Variants in GABRP observed in about 807,000 individuals in gnomAD.
GABRP encodes gamma-aminobutyric acid receptor subunit pi.
In GABRP, 52 loss-of-function variants were observed where a neutral mutation model predicts 47.8. The ratio of observed to expected loss-of-function variants is 1.09; its 90% CI spans 0.87 to 1.37. GABRP has a LOEUF of 1.37. GABRP is among the 40% of genes most tolerant of loss of function. The pLI is 0.00. For missense variants in GABRP, 525 were observed against 542.8 expected (o/e 0.97, Z 0.33); for synonymous variants, 221 against 205.8 (o/e 1.07, Z -0.63).
chr5:170,801,863 G>A lies in GABRP; in HGVS notation c.542-3853G>A, dbSNP rs71592508. 1.1e-4 allele frequency among the ~76,000 whole-genome samples: 17 copies of A among 150,644 alleles called. No individual in the cohort carries two copies. The East Asian group carries it at 3.3e-3, about 30-fold the overall frequency. ...ACAACAATGAAAAGTAATGGGGGGG[G>A]GGTCAGAGTTTTCCTAGGGAAAGTG... On this transcript the variant is annotated intron_variant, in intron 6 of 9. Coordinates refer to ENST00000265294, the MANE Select transcript of GABRP (RefSeq NM_014211.3).
intron 6 of GABRP, among the ~76,000 whole-genome samples, chr5:170,804,024 T>G (rs1765662094): frequency 6.6e-6 from 1 of 152,140 alleles, no homozygotes; most frequent in Non-Finnish European, 1.5e-5. Context: ...TGCCTCAGCC[T>G]CCCAAAGTGC....
At chr5:170,783,431 G>C (rs1043376359), upstream of GABRP, among the ~76,000 whole-genome samples, 1 of 152,114 alleles carries the variant, frequency 6.6e-6, no homozygotes, top group African/African-American at 2.4e-5. Flanking sequence ...ACCAAATTCA[G>C]AGCCCGGCAT....
rs892561406 is a variant in GABRP, at chr5:170,808,622, A to T, written c.702A>T (p.Leu234Phe). The change falls in exon 8 of 10, where the codon TTA becomes TTT. Residue 234 changes from leucine to phenylalanine, a missense_variant. Coordinates refer to ENST00000265294, the MANE Select transcript of GABRP (RefSeq NM_014211.3). ...CAGGAAATTACACTAGATTGGTCTT[A>T]CAGTTTGAGCTTCGGAGGAATGTTC... The part of the protein sequence containing the change: ...QETGNYTRLV[L>F]QFELRRNVLY... The T allele has an allele frequency of 9.3e-6, 15 of 1,614,052 alleles. No individual in the cohort carries two copies. Among genetic ancestry groups the T allele is most frequent in the Non-Finnish European group, 1.3e-5 (15 of 1,179,936 alleles).
At chr5:170,799,321 G>A (rs540167014) in intron 6 of GABRP, among the ~76,000 whole-genome samples, 8 of 152,160 alleles carry the variant, frequency 5.3e-5, no homozygotes, top group South Asian at 2.1e-4. Flanking sequence ...GGGTCAAATG[G>A]TATTTCTAGT....
chr5:170,812,032 T>C lies in GABRP; in HGVS notation c.1097T>C (p.Ile366Thr), dbSNP rs374104568. The C allele has an allele frequency of 6.2e-7, 1 of 1,614,204 alleles. No individual in the cohort carries two copies. The change falls in exon 10 of 10, where the codon ATC becomes ACC. Residue 366 changes from isoleucine (I) to threonine (T), a missense_variant. Coordinates refer to ENST00000265294, the MANE Select transcript of GABRP (RefSeq NM_014211.3). Reference protein sequence around the residue: ...NSSISSFKRKISFASIEISSD... With the variant: ...NSSISSFKRKTSFASIEISSD... ...TCCATCTCCAGCTTTAAACGGAAGA[T>C]CAGCTTTGCCAGCATTGAAATTTCC...
At chr5:170,784,200 G>A (rs1765071771) in intron 1 of GABRP, among the ~76,000 whole-genome samples, 1 of 152,158 alleles carries the variant, frequency 6.6e-6, no homozygotes, top group South Asian at 2.1e-4. Flanking sequence ...CCTAATTCGG[G>A]CTCTACTCCT....
In GABRP at chr5:170,797,446, A is replaced by T. The variant is rs1197017435; in HGVS notation, c.459-20A>T. ...TAACTTCCTCACAATACTGTTTTTG[A>T]ACCTGTTTTTCCCTCTTAGAATCAC... On this transcript the variant is annotated intron_variant, in intron 5 of 9. Transcript: ENST00000265294. 6.6e-7 allele frequency: 1 copy of T among 1,513,260 alleles called. No individual in the cohort carries two copies. The allele number at this position is 1,513,260 out of a possible 1,614,324, so 93.7% of individuals were successfully genotyped here.
chr5:170,794,432 G>A, intron 4 of GABRP, 134 bp downstream of exon 4: 1 of 479,214 alleles, frequency 2.1e-6, no homozygotes, highest in Non-Finnish European at 3.6e-6. Context: ...TGGAATGGCA[G>A]AAGCTGGAGT....
intron 9 of GABRP, 70 bp from the exon 10 acceptor site, chr5:170,811,886 T>G: frequency 2.2e-6 from 3 of 1,395,276 alleles, no homozygotes; most frequent in Non-Finnish European, 3.0e-6. Flanking sequence ...AACTTTTTAT[T>G]AGCTCATTAC....
At chr5:170,798,987 G>GTTCTCACTGTTCAAT (rs1442559223) in intron 6 of GABRP, among the ~76,000 whole-genome samples, 2 of 137,016 alleles carry the variant, frequency 1.5e-5, no homozygotes, top group Non-Finnish European at 3.0e-5. Context: ...GTGTCCAAGT[G>GTTCTCACTGTTCAAT]TTCTCACTGT....
intron 8 of GABRP, among the ~76,000 whole-genome samples, chr5:170,809,151 G>T (rs537458293): frequency 2.0e-5 from 3 of 152,140 alleles, no homozygotes; most frequent in Admixed American, 2.0e-4. Flanking sequence ...TGCCCAGGCT[G>T]GTCCTGAACT....
intron 6 of GABRP, among the ~76,000 whole-genome samples, chr5:170,800,957 AT>A (rs1765574912): frequency 6.6e-6 from 1 of 152,248 alleles, no homozygotes; most frequent in South Asian, 2.1e-4. Context: ...AAACAAAAAA[AT>A]ATATGTAGTA....
chr5:170,803,707 T>C (rs566026870), intron 6 of GABRP, among the ~76,000 whole-genome samples: 1 of 152,172 alleles, frequency 6.6e-6, no homozygotes, highest in East Asian at 1.9e-4. Context: ...ATTTGCCTTT[T>C]CTGGATATTT....
chr5:170,785,509 T>C (rs770545298), intron 1 of GABRP, among the ~76,000 whole-genome samples: 46 of 152,192 alleles, frequency 3.0e-4, no homozygotes, highest in Non-Finnish European at 5.9e-4. Flanking sequence ...GAGACGTGTT[T>C]AGCAACTTAA....
At chr5:170,805,499 C>G (rs1328661394) in intron 6 of GABRP, among the ~76,000 whole-genome samples, 1 of 152,202 alleles carries the variant, frequency 6.6e-6, no homozygotes, top group East Asian at 1.9e-4. Context: ...AAGACCAGCT[C>G]TCAATTGACG....
chr5:170,808,334 C>T (rs551202419), intron 7 of GABRP, among the ~76,000 whole-genome samples: 2 of 152,228 alleles, frequency 1.3e-5, no homozygotes, highest in East Asian at 1.9e-4. Flanking sequence ...GTGAGGCAGA[C>T]GTCAAGAAAA....
At chr5:170,793,434 C>T (rs1765332165) in intron 3 of GABRP, among the ~76,000 whole-genome samples, 1 of 152,176 alleles carries the variant, frequency 6.6e-6, no homozygotes, top group Non-Finnish European at 1.5e-5. Flanking sequence ...TCTGCTGAGA[C>T]TCCAGGATTG....
chr5:170,784,507 T>C lies in GABRP; in HGVS notation c.-43+633T>C, dbSNP rs150896308. 6.2e-3 allele frequency among the ~76,000 whole-genome samples: 946 copies of C among 152,064 alleles called. 10 individuals carry two copies. The highest frequency in any genetic ancestry group is 0.022 in the African/African-American group (911 of 41,354). ...ACTGGGAGACATTAGGCTGGATTTC[T>C]GGTTTAGAAAAAGGTGCCATCAGCT... On this transcript the variant is annotated intron_variant, in intron 1 of 9. Transcript: ENST00000265294.
chr5:170,809,767 G>T lies in GABRP; in HGVS notation c.1020+12G>T. ...CAGCCAAAGATAGGGTAAGAGTCTTGAGGGCCCTGTGTATGATCCATCACT... is the reference window on the plus strand; with the variant it reads ...CAGCCAAAGATAGGGTAAGAGTCTTTAGGGCCCTGTGTATGATCCATCACT... On this transcript the variant is annotated intron_variant, in intron 9 of 9. Coordinates refer to ENST00000265294, the MANE Select transcript of GABRP (RefSeq NM_014211.3). 6.3e-7 allele frequency: 1 copy of T among 1,577,560 alleles called. No individual in the cohort carries two copies. The highest frequency in any genetic ancestry group is 1.2e-5 in the South Asian group (1 of 82,594).
Sources: gnomAD v4.1 joint callset for allele counts (sites outside exome capture counted in the v4.1 genomes callset) on GRCh38, gnomAD v4.1.1 for gene constraint, MANE v1.5 for transcripts, NCBI Gene and HGNC (gene_info 2026-07-23, HGNC 2026-07-21) for gene names.